The following COL21A1 variants were observed in gnomAD, a reference collection of about 807,000 sequenced individuals.
The protein encoded by COL21A1 is collagen alpha-1(XXI) chain.
Under a neutral mutation model 137.9 loss-of-function variants are expected in COL21A1, and 149 were observed. The ratio of observed to expected loss-of-function variants is 1.08; its 90% CI spans 0.95 to 1.24. COL21A1 has a LOEUF of 1.24. Ranked by LOEUF, COL21A1 falls within the 50% of genes most tolerant of loss-of-function variation. The pLI is 0.00. For synonymous variants in COL21A1, 456 were observed against 391.5 expected, an observed-to-expected ratio of 1.16 and a Z score of -1.95; for missense variants, 1,167 against 1,158.4, an observed-to-expected ratio of 1.01 and a Z score of -0.11.
At chr6:56,082,023 A>T (rs1166366478) in intron 17 of COL21A1, among the ~76,000 whole-genome samples, 1 of 151,964 alleles carries the variant, frequency 6.6e-6, no homozygotes, top group African/African-American at 2.4e-5. Flanking sequence ...TTTCTTTTCC[A>T]CACCTAAAGG....
chr6:56,161,455 G>A (rs1232603478), intron 9 of COL21A1, among the ~76,000 whole-genome samples: 1 of 152,024 alleles, frequency 6.6e-6, no homozygotes, highest in East Asian at 1.9e-4. Context: ...GAACAGAAGC[G>A]CGTTCCATAT....
At chr6:56,172,069 G>GA (rs58176470) in intron 3 of COL21A1, among the ~76,000 whole-genome samples, 89,652 of 142,182 alleles carry the variant, frequency 0.63, 28,604 homozygotes, top group East Asian at 0.82. Context: ...GCGAGTTCCA[G>GA]AAAAAAAAAA....
chr6:56,352,288 G>A (rs2152347067), intron 1 of COL21A1, among the ~76,000 whole-genome samples: 1 of 152,250 alleles, frequency 6.6e-6, no homozygotes, highest in Non-Finnish European at 1.5e-5. Context: ...AGAACATAAG[G>A]GAGGCCCATG....
At chr6:56,135,581 A>G (rs1206652924) in intron 12 of COL21A1, among the ~76,000 whole-genome samples, 6 of 152,170 alleles carry the variant, frequency 3.9e-5, no homozygotes, top group Admixed American at 3.9e-4. Context: ...TTGATCCAAT[A>G]ATCAATTTCA....
At chr6:56,128,818 C>T (rs1440128254) in intron 12 of COL21A1, among the ~76,000 whole-genome samples, 2 of 152,208 alleles carry the variant, frequency 1.3e-5, no homozygotes, top group South Asian at 2.1e-4. Flanking sequence ...CCATGCCTGG[C>T]TAATTTTTGT....
chr6:56,099,970 C>T (rs1770306028), intron 17 of COL21A1, among the ~76,000 whole-genome samples: 1 of 152,194 alleles, frequency 6.6e-6, no homozygotes, highest in Non-Finnish European at 1.5e-5. Context: ...AGCTCATACA[C>T]TGCCTCTAAA....
chr6:56,331,095 C>T (rs9382620), intron 1 of COL21A1, among the ~76,000 whole-genome samples: 34,947 of 151,828 alleles, frequency 0.23, 5,072 homozygotes, highest in Middle Eastern at 0.42. Context: ...TATATGTGTT[C>T]TTTTGAAAAA....
chr6:56,329,946 G>C (rs1055269899), intron 1 of COL21A1, among the ~76,000 whole-genome samples: 1 of 152,048 alleles, frequency 6.6e-6, no homozygotes, highest in African/African-American at 2.4e-5. Context: ...TAAGTTTTCT[G>C]TAGCTGATTT....
At chr6:56,365,577 G>A (rs1272529822) in intron 1 of COL21A1, among the ~76,000 whole-genome samples, 2 of 151,972 alleles carry the variant, frequency 1.3e-5, no homozygotes, top group African/African-American at 4.8e-5. Context: ...CTATAGGTAG[G>A]ACATAAATTC....
At chr6:56,302,361 C>T (rs1440375194) in intron 1 of COL21A1, among the ~76,000 whole-genome samples, 1 of 152,148 alleles carries the variant, frequency 6.6e-6, no homozygotes, top group African/African-American at 2.4e-5. Context: ...TAAAAGTGTT[C>T]CAATTTCTCC....
Position 56,170,654 on chromosome 6 carries a change from C to T in COL21A1, c.1021G>A (p.Val341Ile), listed in dbSNP as rs1776961499. 3 of 1,587,130 alleles carry T rather than the reference C, an allele frequency of 1.9e-6. No homozygotes were observed. The highest frequency in any genetic ancestry group is 2.6e-6 in the Non-Finnish European group (3 of 1,163,458). Residue 341 changes from valine to isoleucine, a missense_variant, in exon 5 of 30, where the codon GTT becomes ATT. Transcript: ENST00000244728. ...ATTATCCCAGGCATCTTTACCTTAA[C>T]TTGAGGGTTAGCAAAGGTAACCACT... ...SQVVTFANPQVKTLFDEGWHQ... is the reference protein window; with the variant it reads ...SQVVTFANPQIKTLFDEGWHQ...
At chr6:56,305,209 G>A (rs984376722) in intron 1 of COL21A1, among the ~76,000 whole-genome samples, 5 of 152,178 alleles carry the variant, frequency 3.3e-5, no homozygotes, top group Non-Finnish European at 7.3e-5. Flanking sequence ...TGTATATTCT[G>A]TTGATTTGGG....
intron 12 of COL21A1, among the ~76,000 whole-genome samples, chr6:56,127,870 A>G (rs1277297340): frequency 2.0e-5 from 3 of 152,128 alleles, no homozygotes; most frequent in Non-Finnish European, 4.4e-5. Flanking sequence ...GCTATTATAC[A>G]CTGGTGTGGT....
At chr6:56,229,810 T>C (rs1781435445) in intron 1 of COL21A1, among the ~76,000 whole-genome samples, 2 of 151,980 alleles carry the variant, frequency 1.3e-5, no homozygotes, top group African/African-American at 2.4e-5. Flanking sequence ...TCTGACTGTG[T>C]ACCTGAAATT....
Position 56,170,990 on chromosome 6 carries a change from G to A in COL21A1, c.779C>T (p.Thr260Ile). The A allele has an allele frequency of 6.2e-7, 1 of 1,604,026 alleles. No homozygotes were observed. Residue 260 changes from threonine to isoleucine, a missense_variant, in exon 4 of 30, where the codon ACA becomes ATA. Physicochemically the swap from Thr to Ile is moderately conservative, Grantham distance 89. Transcript: ENST00000244728. ...SPKKIKGYEV[T>I]SKVDLSELTS... is the part of the protein sequence containing the mutation. ...GAGTTCTGATAAATCAACTTTTGAT[G>A]TTACTTCATATCCTTTTATCTTTTT...
At chr6:56,301,643 C>G (rs1296386027) in intron 1 of COL21A1, among the ~76,000 whole-genome samples, 9 of 152,122 alleles carry the variant, frequency 5.9e-5, no homozygotes, top group Admixed American at 4.6e-4. Context: ...CCACTTCACC[C>G]TTTAGATATG....
At chr6:56,180,938 C>A (rs1347245299) in intron 2 of COL21A1, among the ~76,000 whole-genome samples, 1 of 152,158 alleles carries the variant, frequency 6.6e-6, no homozygotes, top group Non-Finnish European at 1.5e-5. Flanking sequence ...TGGGCCTTTG[C>A]AGTTGCTCTT....
intron 1 of COL21A1, among the ~76,000 whole-genome samples, chr6:56,279,516 C>G (rs778897375): frequency 9.2e-5 from 14 of 152,154 alleles, no homozygotes; most frequent in Non-Finnish European, 1.9e-4. Context: ...AAGCAGCAGC[C>G]TCTCCTTTCC....
chr6:56,313,780 T>C (rs183137926), intron 1 of COL21A1, among the ~76,000 whole-genome samples: 1 of 152,086 alleles, frequency 6.6e-6, no homozygotes, highest in Non-Finnish European at 1.5e-5. Context: ...ATTCAGTCCA[T>C]AGCATAGCCA....
Sources: allele counts gnomAD v4.1 joint callset (sites outside exome capture counted in the v4.1 genomes callset), GRCh38; gene constraint gnomAD v4.1.1; transcripts MANE v1.5; gene names NCBI Gene and HGNC (gene_info 2026-07-23, HGNC 2026-07-21).